The following PCCA variants were observed in gnomAD, a reference collection of about 807,000 sequenced individuals.
The protein encoded by PCCA is propionyl-CoA carboxylase alpha chain, mitochondrial.
PCCA carries 74 observed loss-of-function variants against 101.3 expected under a neutral mutation model. That is an observed-to-expected ratio of 0.73 (90% CI 0.61 to 0.89). PCCA has a LOEUF of 0.89. Ranked by LOEUF, PCCA falls within the 40% of genes least tolerant of loss-of-function variation. PCCA has a pLI of 0.00. For missense variants in PCCA, 891 were observed against 907.0 expected, an observed-to-expected ratio of 0.98 and a Z score of 0.23; for synonymous variants, 294 against 313.6, an observed-to-expected ratio of 0.94 and a Z score of 0.66.
chr13:100,357,936 A>G (rs764691958), intron 18 of PCCA, among the ~76,000 whole-genome samples: 9 of 152,208 alleles, frequency 5.9e-5, no homozygotes, highest in Non-Finnish European at 1.2e-4. Context: ...AATGTGCGTA[A>G]CAAAGACCCC....
intron 21 of PCCA, among the ~76,000 whole-genome samples, chr13:100,458,864 A>AT (rs1234139101): frequency 6.6e-6 from 1 of 152,182 alleles, no homozygotes; most frequent in Non-Finnish European, 1.5e-5. Context: ...ACAGTAATAC[A>AT]TAGGATTCCG....
At chr13:100,512,803 ACT>A (rs1401328267) in intron 21 of PCCA, among the ~76,000 whole-genome samples, 1 of 152,028 alleles carries the variant, frequency 6.6e-6, no homozygotes, top group African/African-American at 2.4e-5. Context: ...TAAAATCAAA[ACT>A]CTCTAAGGGA....
chr13:100,148,749 G>A (rs1371963431), intron 4 of PCCA, among the ~76,000 whole-genome samples: 1 of 152,118 alleles, frequency 6.6e-6, no homozygotes, highest in East Asian at 1.9e-4. Context: ...TTCCGAGATC[G>A]ATTCAGTATT....
chr13:100,455,996 G>A (rs564550011), intron 21 of PCCA, among the ~76,000 whole-genome samples: 10 of 152,230 alleles, frequency 6.6e-5, no homozygotes, highest in Non-Finnish European at 8.8e-5. Flanking sequence ...CACCATGCCC[G>A]GCCATATGCA....
intron 16 of PCCA, among the ~76,000 whole-genome samples, chr13:100,322,324 T>G (rs149335894): frequency 6.6e-6 from 1 of 152,242 alleles, no homozygotes; most frequent in African/African-American, 2.4e-5. Context: ...AATTAGTTTG[T>G]CATGCCTACC....
At chr13:100,444,652 A>G (rs981732883) in intron 20 of PCCA, among the ~76,000 whole-genome samples, 3 of 151,968 alleles carry the variant, frequency 2.0e-5, no homozygotes, top group Non-Finnish European at 2.9e-5. Flanking sequence ...CATGTTAGCC[A>G]GGATGGTCTC....
In PCCA at chr13:100,327,135, G is replaced by A. The variant is rs539421289; in HGVS notation, c.1430-3426G>A. Among the ~76,000 whole-genome samples, 23 of 151,952 alleles carry A rather than the reference G, an allele frequency of 1.5e-4. 1 individual carries two copies. In the Middle Eastern group the frequency reaches 0.01, roughly 67 times the overall value. On this transcript the variant is annotated intron_variant, in intron 16 of 23. Transcript: ENST00000376285. The stretch of plus-strand genomic sequence containing the variant: ...TTCAATTTCATGAGTTTTGACATAC[G>A]TATACACCTGTGAAACCATTACCAC...
At chr13:100,179,625 TC>T (rs1346184135) in intron 6 of PCCA, among the ~76,000 whole-genome samples, 1 of 152,218 alleles carries the variant, frequency 6.6e-6, no homozygotes, top group African/African-American at 2.4e-5. Context: ...TATCATGTGA[TC>T]CTGTCATCTA....
intron 21 of PCCA, among the ~76,000 whole-genome samples, chr13:100,472,149 C>A (rs937998744): frequency 6.6e-6 from 1 of 152,202 alleles, no homozygotes; most frequent in Non-Finnish European, 1.5e-5. Flanking sequence ...CTCCACCCGT[C>A]CTTCCAATGC....
At chr13:100,440,895 A>G (rs2080321979) in intron 20 of PCCA, among the ~76,000 whole-genome samples, 1 of 152,168 alleles carries the variant, frequency 6.6e-6, no homozygotes, top group Non-Finnish European at 1.5e-5. Flanking sequence ...ACAGCTACAC[A>G]TCTTAGAAAC....
intron 20 of PCCA, among the ~76,000 whole-genome samples, chr13:100,438,708 C>A (rs573178064): frequency 2.0e-3 from 308 of 151,826 alleles, no homozygotes; most frequent in African/African-American, 7.2e-3. Context: ...CATCCGAGAT[C>A]ACGCTTCTGT....
At chr13:100,474,393 A>G (rs1243504423) in intron 21 of PCCA, among the ~76,000 whole-genome samples, 5 of 151,924 alleles carry the variant, frequency 3.3e-5, no homozygotes, top group Non-Finnish European at 5.9e-5. Context: ...GTTTATTGCA[A>G]CGTTGCTGCT....
chr13:100,453,485 AAAAAAG>A (rs1252297545), intron 21 of PCCA, among the ~76,000 whole-genome samples: 1 of 142,828 alleles, frequency 7.0e-6, no homozygotes, highest in African/African-American at 2.6e-5. Flanking sequence ...TTTAAAAAAA[AAAAAAG>A]AAGAAGAAGA....
At chr13:100,144,661 TA>T (rs1486404730) in intron 4 of PCCA, among the ~76,000 whole-genome samples, 20 of 152,330 alleles carry the variant, frequency 1.3e-4, no homozygotes, top group African/African-American at 4.6e-4. Context: ...TGAAAAAATT[TA>T]AAAGTCCTGA....
chr13:100,126,070 T>C (rs1436874643), intron 4 of PCCA, among the ~76,000 whole-genome samples: 2 of 152,180 alleles, frequency 1.3e-5, no homozygotes, highest in Non-Finnish European at 2.9e-5. Flanking sequence ...AATCAAGAAG[T>C]ATGTTAAATG....
Position 100,302,979 on chromosome 13 carries a change from A to G in PCCA, c.1265A>G (p.Glu422Gly), listed in dbSNP as rs778025681. The G allele has an allele frequency of 6.3e-6, 10 of 1,597,914 alleles. No individual in the cohort carries two copies. Among genetic ancestry groups the G allele is most frequent in the Non-Finnish European group, 5.1e-6 (6 of 1,165,272 alleles). The change falls in exon 14 of 24, where the codon GAA becomes GGA. Residue 422 changes from glutamate to glycine, a missense_variant. Transcript: ENST00000376285. Reference protein sequence around the residue: ...PSIGRLSQYQEPLHLPGVRVD... With the variant: ...PSIGRLSQYQGPLHLPGVRVD... ...ATTGGGAGATTGTCTCAGTACCAAG[A>G]ACCGTTACATCTACCTGGTGTAAGT... is the stretch of plus-strand genomic sequence containing the variant.
At chr13:100,100,768 T>C (rs915989249) in intron 1 of PCCA, among the ~76,000 whole-genome samples, 13 of 150,202 alleles carry the variant, frequency 8.7e-5, no homozygotes, top group Non-Finnish European at 1.5e-4. Flanking sequence ...TGTGTTTGCT[T>C]GTACGAGTTC....
chr13:100,363,142 T>C (rs2074808646), intron 18 of PCCA, among the ~76,000 whole-genome samples: 1 of 152,236 alleles, frequency 6.6e-6, no homozygotes, highest in South Asian at 2.1e-4. Context: ...AAAAAACTAC[T>C]AAAACTTGTA....
At chr13:100,101,895 G>A (rs1281164406) in intron 1 of PCCA, among the ~76,000 whole-genome samples, 1 of 152,144 alleles carries the variant, frequency 6.6e-6, no homozygotes, top group Non-Finnish European at 1.5e-5. Flanking sequence ...GAGCCATGGT[G>A]CCCGACTCTT....
Sources: allele counts gnomAD v4.1 joint callset (sites outside exome capture counted in the v4.1 genomes callset), GRCh38; gene constraint gnomAD v4.1.1; transcripts MANE v1.5; gene names NCBI Gene and HGNC (gene_info 2026-07-23, HGNC 2026-07-21).